Variants in TRIP4 observed in about 807,000 individuals in gnomAD.
TRIP4 encodes the protein activating signal cointegrator 1.
A neutral mutation model predicts 81.8 loss-of-function variants in TRIP4; 54 were observed. The ratio of observed to expected loss-of-function variants is 0.66; its 90% CI spans 0.53 to 0.83. TRIP4 has a LOEUF of 0.83. Among genes scored for constraint, TRIP4 ranks in the 40% least tolerant of loss-of-function variants. The probability of loss-of-function intolerance (pLI) is 0.00; values close to 1 mark genes in which losing one functional copy is unlikely to be tolerated. For synonymous variants in TRIP4, 270 were observed against 242.8 expected, an observed-to-expected ratio of 1.11 and a Z score of -1.04; for missense variants, 662 against 683.6, an observed-to-expected ratio of 0.97 and a Z score of 0.35.
At chr15:64,433,366 A>T (rs1204821738) in intron 11 of TRIP4, among the ~76,000 whole-genome samples, 3 of 152,068 alleles carry the variant, frequency 2.0e-5, no homozygotes, top group African/African-American at 7.2e-5. Context: ...AGAGAGTTCA[A>T]ATAACTTGTG....
intron 11 of TRIP4, among the ~76,000 whole-genome samples, chr15:64,437,058 G>A (rs1316093159): frequency 6.6e-6 from 1 of 151,758 alleles, no homozygotes; most frequent in Non-Finnish European, 1.5e-5. Context: ...CTAACATAGA[G>A]CCTGCCATGT....
At chr15:64,425,467 T>C (rs928854638) in intron 10 of TRIP4, 73 bp from the exon 11 acceptor site, 1 of 1,279,774 alleles carries the variant, frequency 7.8e-7, no homozygotes, top group African/African-American at 1.5e-5. Context: ...TGTTCAGAAT[T>C]GAAAACAGAT....
intron 11 of TRIP4, among the ~76,000 whole-genome samples, chr15:64,436,169 C>T (rs1024495557): frequency 3.3e-5 from 5 of 151,946 alleles, no homozygotes; most frequent in Non-Finnish European, 5.9e-5. Context: ...GTGACATATG[C>T]CTGTGTTCCC....
intron 11 of TRIP4, among the ~76,000 whole-genome samples, chr15:64,431,847 A>ATATTTTTTT: frequency 6.7e-5 from 8 of 119,556 alleles, no homozygotes; most frequent in South Asian, 2.5e-4. Flanking sequence ...ATATATATAT[A>ATATTTTTTT]TTTTTTTTAT....
At chr15:64,431,734 A>T (rs1892274837) in intron 11 of TRIP4, among the ~76,000 whole-genome samples, 1 of 150,772 alleles carries the variant, frequency 6.6e-6, no homozygotes, top group African/African-American at 2.4e-5. Flanking sequence ...AAACTGGAAC[A>T]TTGACTAGAG....
rs138458333 is a variant in TRIP4 at position 64,434,546 on chromosome 15, A to G, written c.1575+8915A>G. Among the ~76,000 whole-genome samples, 5 of 151,892 alleles carry G rather than the reference A, an allele frequency of 3.3e-5. No homozygotes were observed. The East Asian group carries it at 9.7e-4, about 29-fold the overall frequency. On this transcript the variant is annotated intron_variant, in intron 11 of 12. Coordinates refer to ENST00000261884, the MANE Select transcript of TRIP4 (RefSeq NM_016213.5). ...GAAGTTTTTTTGAGGCATTAACATG[A>G]TCTGAGGCTTGCTTGAGGGAAAACT...
At chr15:64,440,457 G>T (rs1220281911) in intron 11 of TRIP4, among the ~76,000 whole-genome samples, 4 of 37,024 alleles carry the variant, frequency 1.1e-4, no homozygotes, top group African/African-American at 3.9e-4. Context: ...GATTGTGGTT[G>T]TCTTTTTTTT....
intron 1 of TRIP4, among the ~76,000 whole-genome samples, chr15:64,389,921 C>G (rs545041346): frequency 1.5e-4 from 23 of 150,222 alleles, no homozygotes; most frequent in Admixed American, 8.7e-4. Flanking sequence ...AGGGTGGTCT[C>G]GAACTCCTGA....
rs998083517 is a variant in TRIP4 at position 64,443,344 on chromosome 15, G to A, written c.1576-1662G>A. Among the ~76,000 whole-genome samples, 4 of 152,198 alleles carry A rather than the reference G, an allele frequency of 2.6e-5. No homozygotes were observed. The South Asian group carries it at 6.2e-4, about 24-fold the overall frequency. On this transcript the variant is annotated intron_variant, in intron 11 of 12. Transcript: ENST00000261884. ...ATGGAAGAAGGAGGAGAGATTGGCT[G>A]AAATGGTTTATGGTGTTGGAAAAGC...
chr15:64,394,738 G>A (rs1225346003), intron 2 of TRIP4, among the ~76,000 whole-genome samples: 1 of 152,098 alleles, frequency 6.6e-6, no homozygotes, highest in Non-Finnish European at 1.5e-5. Context: ...TGTAAGTAAA[G>A]TGTTGATTGA....
chr15:64,411,828 C>T (rs1184598013), intron 7 of TRIP4, among the ~76,000 whole-genome samples: 2 of 151,934 alleles, frequency 1.3e-5, no homozygotes, highest in African/African-American at 2.4e-5. Flanking sequence ...TACCAACGCC[C>T]GCCACCACGC....
intron 7 of TRIP4, among the ~76,000 whole-genome samples, chr15:64,412,849 A>G (rs1891799086): frequency 1.3e-5 from 2 of 152,162 alleles, no homozygotes. Flanking sequence ...CTTACTAACT[A>G]ACCAGTAGGT....
chr15:64,445,667 C>CAAA (rs34704960), intron 12 of TRIP4, among the ~76,000 whole-genome samples: 62 of 77,658 alleles, frequency 8.0e-4, no homozygotes, highest in East Asian at 1.8e-3. Context: ...CACTCAGTCT[C>CAAA]AAAAAAAAAA....
intron 12 of TRIP4, among the ~76,000 whole-genome samples, chr15:64,452,452 T>G (rs1409235903): frequency 6.6e-6 from 1 of 152,234 alleles, no homozygotes; most frequent in Non-Finnish European, 1.5e-5. Flanking sequence ...ATCTGAAATT[T>G]AAAACACTTC....
chr15:64,442,259 G>A (rs1892533805), intron 11 of TRIP4, among the ~76,000 whole-genome samples: 2 of 152,038 alleles, frequency 1.3e-5, no homozygotes, highest in African/African-American at 4.8e-5. Flanking sequence ...GGAAGTTAAG[G>A]GCAGAAACAG....
intron 10 of TRIP4, among the ~76,000 whole-genome samples, chr15:64,425,243 A>G (rs1892115997): frequency 6.6e-6 from 1 of 152,028 alleles, no homozygotes; most frequent in Non-Finnish European, 1.5e-5. Flanking sequence ...CCAATGGCGT[A>G]TAGTAGAATC....
chr15:64,397,512 T>C (rs1900327978), intron 3 of TRIP4, 94 bp from the exon 4 acceptor site: 1 of 1,217,594 alleles, frequency 8.2e-7, no homozygotes, highest in African/African-American at 1.5e-5. Context: ...GGATAGTATA[T>C]AAGTTGTTAC....
At chr15:64,395,608 G>A (rs1308299957) in intron 3 of TRIP4, 77 bp downstream of exon 3, 6 of 1,472,636 alleles carry the variant, frequency 4.1e-6, no homozygotes, top group East Asian at 2.3e-5. Context: ...AGAGCAAAGT[G>A]TACAAATTGG....
rs1187200758 is a variant in TRIP4, at chr15:64,397,769, T to C, written c.569T>C (p.Ile190Thr). Residue 190 changes from isoleucine to threonine, a missense_variant, in exon 4 of 13, where the codon ATT (isoleucine) becomes ACT (threonine). By Grantham distance (89) the Ile-to-Thr change is moderately conservative. Transcript: ENST00000261884. ...LINNCLICGR[I>T]VCEQEGSGPC... is the part of the protein sequence containing the mutation. The stretch of plus-strand genomic sequence containing the variant: ...AATAACTGTCTGATCTGTGGGCGCA[T>C]TGTCTGTGAACAAGAAGGCTCAGGC... 4 of 1,614,260 alleles carry C rather than the reference T, an allele frequency of 2.5e-6. No homozygotes were observed. The highest frequency in any genetic ancestry group is 1.3e-5 in the African/African-American group (1 of 75,078).
Sources: allele counts gnomAD v4.1 joint callset (sites outside exome capture counted in the v4.1 genomes callset), GRCh38; gene constraint gnomAD v4.1.1; transcripts MANE v1.5; gene names NCBI Gene and HGNC (gene_info 2026-07-23, HGNC 2026-07-21).